The following CCAR1 variants were observed in gnomAD, a reference collection of about 807,000 sequenced individuals.
CCAR1 encodes cell division cycle and apoptosis regulator protein 1.
In CCAR1, 78 loss-of-function variants were observed where a neutral mutation model predicts 163.8. That is an observed-to-expected ratio of 0.48 (90% CI 0.40 to 0.57). The LOEUF is 0.57. Among genes scored for constraint, CCAR1 ranks in the 20% least tolerant of loss-of-function variants. CCAR1 has a pLI of 0.00. For missense variants in CCAR1, 1,019 were observed against 1,365.2 expected (o/e 0.75, Z 4.00); for synonymous variants, 443 against 460.7 (o/e 0.96, Z 0.49).
chr10:68,729,032 T>C (rs907484282), intron 2 of CCAR1, among the ~76,000 whole-genome samples: 2 of 152,116 alleles, frequency 1.3e-5, no homozygotes, highest in Non-Finnish European at 2.9e-5. Context: ...TTGTATAATA[T>C]GATACCCACT....
At chr10:68,762,385 C>T (rs2056484537) in intron 16 of CCAR1, among the ~76,000 whole-genome samples, 1 of 151,840 alleles carries the variant, frequency 6.6e-6, no homozygotes, top group Non-Finnish European at 1.5e-5. Context: ...GTAAATGGCT[C>T]AGAAATTGAG....
At chr10:68,777,112 C>T (rs1377923809) in intron 19 of CCAR1, among the ~76,000 whole-genome samples, 1 of 152,242 alleles carries the variant, frequency 6.6e-6, no homozygotes, top group East Asian at 1.9e-4. Context: ...ACCCTACTTC[C>T]GATCTATCAG....
rs2056794883 is a variant in CCAR1, at chr10:68,786,333, T to C, written c.2733+115T>C. 4 of 839,482 alleles carry C rather than the reference T, an allele frequency of 4.8e-6. No individual in the cohort carries two copies. In the South Asian group the frequency reaches 7.3e-5, roughly 15 times the overall value. The allele number at this position is 839,482 out of a possible 1,614,324, so 52.0% of individuals were successfully genotyped here. ...CATCTTTATTACCACTAAGTAAAAT[T>C]CTGTCAGTTGTTTTTTTGTGGCTAT... On this transcript the variant is annotated intron_variant, in intron 20 of 24. Transcript: ENST00000265872.
chr10:68,745,327 A>G (rs781425011), intron 6 of CCAR1, among the ~76,000 whole-genome samples: 14 of 150,868 alleles, frequency 9.3e-5, no homozygotes, highest in Non-Finnish European at 2.1e-4. Flanking sequence ...ATTTTTTGAG[A>G]TGGGGTCTCT....
intron 2 of CCAR1, among the ~76,000 whole-genome samples, chr10:68,734,921 T>C (rs1198119082): frequency 1.3e-5 from 2 of 152,206 alleles, no homozygotes; most frequent in Admixed American, 1.3e-4. Context: ...GAGCATACAT[T>C]AAACATTTAA....
intron 16 of CCAR1, among the ~76,000 whole-genome samples, chr10:68,763,614 A>C (rs2056501890): frequency 6.6e-6 from 1 of 151,844 alleles, no homozygotes; most frequent in South Asian, 2.1e-4. Context: ...TGCCTGGCTA[A>C]TTTTTGTATT....
chr10:68,747,560 CA>C lies in CCAR1; in HGVS notation c.825del (p.Ala276LeufsTer10). ...QPQPLLQQPQQKAGLLQPPVR... is the reference protein window; with the variant it reads ...QPQPLLQQPQXKAGLLQPPVR... ...ACAGCCCTTATTACAGCAGCCTCAGCAAAAAGGTATCTTTGCTTTTGTTTCA... is the reference window on the plus strand; with the variant it reads ...ACAGCCCTTATTACAGCAGCCTCAGCAAAAGGTATCTTTGCTTTTGTTTCA... On this transcript the variant is annotated frameshift_variant, in exon 8 of 25. Transcript: ENST00000265872. 1.2e-6 allele frequency: 2 copies of C among 1,606,848 alleles called. No individual in the cohort carries two copies. Among genetic ancestry groups the C allele is most frequent in the Non-Finnish European group, 8.5e-7 (1 of 1,176,956 alleles).
intron 2 of CCAR1, among the ~76,000 whole-genome samples, chr10:68,734,058 TCTTA>T (rs1234603912): frequency 6.6e-6 from 1 of 152,158 alleles, no homozygotes; most frequent in Non-Finnish European, 1.5e-5. Context: ...TTTGTTTCTT[TCTTA>T]TTTTGTTATT....
In CCAR1 at chr10:68,786,709, A is replaced by G. The variant is rs2056799008; in HGVS notation, c.2880+17A>G. The G allele has an allele frequency of 3.8e-6, 6 of 1,572,192 alleles. No homozygotes were observed. Among genetic ancestry groups the G allele is most frequent in the South Asian group, 2.4e-5 (2 of 84,268 alleles). On this transcript the variant is annotated intron_variant, in intron 21 of 24. Transcript: ENST00000265872. The stretch of plus-strand genomic sequence containing the variant: ...CGGGCTCAGGTAATCTATCTTGTGA[A>G]TATTTAAAAGGAAAACATTTTTTAA...
At chr10:68,776,491 AG>A (rs2056668992) in intron 19 of CCAR1, among the ~76,000 whole-genome samples, 1 of 152,080 alleles carries the variant, frequency 6.6e-6, no homozygotes, top group Admixed American at 6.6e-5. Context: ...ACTTGAACCC[AG>A]GAGGCGGAGG....
At chr10:68,758,259 T>C (rs1370542773) in intron 15 of CCAR1, among the ~76,000 whole-genome samples, 4 of 151,976 alleles carry the variant, frequency 2.6e-5, no homozygotes, top group Non-Finnish European at 4.4e-5. Flanking sequence ...TTTGCCATAT[T>C]GGTCAGGCCG....
intron 2 of CCAR1, among the ~76,000 whole-genome samples, chr10:68,726,310 C>T (rs1030822246): frequency 2.3e-4 from 35 of 152,010 alleles, no homozygotes; most frequent in African/African-American, 8.5e-4. Context: ...TGGCAGCAAG[C>T]CCGGCTGATT....
chr10:68,760,892 A>C lies in CCAR1; in HGVS notation c.1921-115A>C, dbSNP rs1246902509. On this transcript the variant is annotated intron_variant, in intron 15 of 24. Transcript: ENST00000265872. ...AAAAACAAAAAACAAAAAAAAAAAAAACACACAAAATATAATTGTTAATTG... is the reference window on the plus strand; with the variant it reads ...AAAAACAAAAAACAAAAAAAAAAAACACACACAAAATATAATTGTTAATTG... The C allele has an allele frequency of 1.2e-4, 49 of 394,580 alleles. 1 individual carries two copies. The highest frequency in any genetic ancestry group is 5.1e-4 in the Admixed American group (12 of 23,538). 24.4% of individuals were successfully genotyped at this position (394,580 alleles called of 1,614,324 possible). A position where few individuals can be genotyped will look rare whatever the true frequency, so the allele number is the denominator to read the frequency against.
chr10:68,727,536 A>C (rs1370433206), intron 2 of CCAR1, among the ~76,000 whole-genome samples: 1 of 152,166 alleles, frequency 6.6e-6, no homozygotes, highest in Non-Finnish European at 1.5e-5. Flanking sequence ...AGAGTTTTAG[A>C]ATACAGTTCA....
Position 68,757,340 on chromosome 10 carries a change from C to A in CCAR1, c.1883C>A (p.Pro628His). The A allele has an allele frequency of 6.3e-7, 1 of 1,590,434 alleles. No individual in the cohort carries two copies. The highest frequency in any genetic ancestry group is 8.6e-7 in the Non-Finnish European group (1 of 1,159,172). ...DDGEAKEIST[P>H]THWSKLDPKT... ...GGTGAAGCTAAAGAAATTTCTACAC[C>A]TACCCATTGGTCTAAACTTGATCCA... is the stretch of plus-strand genomic sequence containing the variant. Residue 628 changes from proline to histidine, a missense_variant, in exon 15 of 25, where the codon CCT (proline) becomes CAT (histidine). By Grantham distance (77) the Pro-to-His change is moderately conservative. This residue lies in a region of CCAR1 where 644 missense variants were observed against 904.4 expected (regional missense o/e 0.71). Transcript: ENST00000265872.
chr10:68,765,831 C>T, intron 16 of CCAR1, 57 bp from the exon 17 acceptor site: 1 of 1,166,984 alleles, frequency 8.6e-7, no homozygotes. Flanking sequence ...TCATCTTGCA[C>T]ATGTATATAC....
intron 19 of CCAR1, among the ~76,000 whole-genome samples, chr10:68,779,405 T>C (rs1225402380): frequency 1.3e-5 from 2 of 151,780 alleles, no homozygotes; most frequent in Non-Finnish European, 2.9e-5. Context: ...ATTACAGACA[T>C]GCACCACCAT....
intron 17 of CCAR1, among the ~76,000 whole-genome samples, chr10:68,766,549 C>T (rs1031504246): frequency 2.7e-5 from 4 of 150,668 alleles, no homozygotes; most frequent in African/African-American, 7.3e-5. Flanking sequence ...TTTTTTGAGA[C>T]GGAGTTCACT....
chr10:68,723,966 C>T (rs1282801944), intron 2 of CCAR1, among the ~76,000 whole-genome samples: 1 of 151,754 alleles, frequency 6.6e-6, no homozygotes, highest in Non-Finnish European at 1.5e-5. Context: ...CAAGACCAGC[C>T]TGACCAACAT....
Sources: allele counts gnomAD v4.1 joint callset (sites outside exome capture counted in the v4.1 genomes callset), GRCh38; gene constraint gnomAD v4.1.1; regional missense constraint gnomAD v4.1.1; transcripts MANE v1.5; gene names NCBI Gene and HGNC (gene_info 2026-07-23, HGNC 2026-07-21).